Variants in LCLAT1 observed in about 807,000 individuals in gnomAD.
LCLAT1 encodes 1-AGP acyltransferase 8.
Under a neutral mutation model 30.7 loss-of-function variants are expected in LCLAT1, and 11 were observed. The observed-to-expected ratio is 0.36, with a 90% CI of 0.23 to 0.59. The LOEUF (loss-of-function observed/expected upper bound fraction) is 0.59, where lower values mean the gene tolerates loss of function less well. Ranked by LOEUF, LCLAT1 falls within the 20% of genes least tolerant of loss-of-function variation. The pLI is 0.77. For missense variants in LCLAT1, 402 were observed against 458.6 expected (o/e 0.88, Z 1.13); for synonymous variants, 155 against 151.3 (o/e 1.02, Z -0.18).
chr2:30,627,120 G>C (rs966352299), intron 5 of LCLAT1, among the ~76,000 whole-genome samples: 2 of 152,184 alleles, frequency 1.3e-5, no homozygotes, highest in Admixed American at 1.3e-4. Flanking sequence ...AATGGACTTA[G>C]AGGCACAAAG....
intron 1 of LCLAT1, among the ~76,000 whole-genome samples, chr2:30,518,911 C>G (rs1473938563): frequency 6.6e-6 from 1 of 152,210 alleles, no homozygotes; most frequent in Non-Finnish European, 1.5e-5. Context: ...AGTTCTCATA[C>G]TTGGACACTC....
chr2:30,469,271 T>C (rs969305873), intron 1 of LCLAT1, among the ~76,000 whole-genome samples: 5 of 152,184 alleles, frequency 3.3e-5, no homozygotes, highest in African/African-American at 1.2e-4. Flanking sequence ...TTTTTTTCTT[T>C]TGTTGCTCAT....
chr2:30,520,048 A>T (rs977094402), intron 1 of LCLAT1, among the ~76,000 whole-genome samples: 1 of 151,878 alleles, frequency 6.6e-6, no homozygotes, highest in African/African-American at 2.4e-5. Context: ...GGTTTGTCCT[A>T]CTCGAGCTGA....
chr2:30,514,052 A>G (rs894116641), intron 1 of LCLAT1, among the ~76,000 whole-genome samples: 4 of 152,178 alleles, frequency 2.6e-5, no homozygotes, highest in Non-Finnish European at 5.9e-5. Flanking sequence ...GGGGCTCACA[A>G]CTGCATTTTC....
chr2:30,459,661 A>C, intron 1 of LCLAT1: 18 of 1,614,204 alleles, frequency 1.1e-5, no homozygotes, highest in Non-Finnish European at 1.5e-5. Context: ...CCCATGGTCA[A>C]TTAACGAGGC....
intron 1 of LCLAT1, among the ~76,000 whole-genome samples, chr2:30,510,016 A>C (rs1684862443): frequency 6.6e-6 from 1 of 152,134 alleles, no homozygotes; most frequent in East Asian, 1.9e-4. Flanking sequence ...TCTATTCTTG[A>C]CTCAAACAGA....
rs367785153 is a variant in LCLAT1 at position 30,483,241 on chromosome 2, A to G, written c.-5+35858A>G. 3.3e-5 allele frequency among the ~76,000 whole-genome samples: 5 copies of G among 152,038 alleles called. No homozygotes were observed. In the South Asian group the frequency reaches 6.2e-4, roughly 19 times the overall value. ...AGTGGCTCACACCTCTAATCCCAGC[A>G]CTTCAGGAGGCTGAGGTTGGGGGGA... On this transcript the variant is annotated intron_variant, in intron 1 of 5. Coordinates refer to ENST00000379509, the MANE Select transcript of LCLAT1 (RefSeq NM_001002257.3).
intron 5 of LCLAT1, among the ~76,000 whole-genome samples, chr2:30,593,651 ACTTTT>A (rs1415485257): frequency 5.9e-5 from 9 of 152,228 alleles, no homozygotes; most frequent in African/African-American, 1.9e-4. Flanking sequence ...TACTACTAGC[ACTTTT>A]CTTTAATAAA....
chr2:30,495,037 TTG>T (rs1469635597), intron 1 of LCLAT1, among the ~76,000 whole-genome samples: 1 of 151,970 alleles, frequency 6.6e-6, no homozygotes, highest in Non-Finnish European at 1.5e-5. Flanking sequence ...CCTTTTGAAC[TTG>T]TGTTTGTCAG....
chr2:30,475,336 G>T (rs1269863700), intron 1 of LCLAT1, among the ~76,000 whole-genome samples: 3 of 152,074 alleles, frequency 2.0e-5, no homozygotes, highest in African/African-American at 7.2e-5. Context: ...TTTGGCACTG[G>T]GTCTTTTTTG....
intron 2 of LCLAT1, among the ~76,000 whole-genome samples, chr2:30,532,733 T>C (rs1027007376): frequency 3.3e-5 from 5 of 152,060 alleles, no homozygotes; most frequent in African/African-American, 7.2e-5. Context: ...TTTTTTTTTT[T>C]CCCCTGTACC....
chr2:30,638,649 A>T (rs965028269), intron 5 of LCLAT1, among the ~76,000 whole-genome samples: 3 of 152,186 alleles, frequency 2.0e-5, no homozygotes, highest in Non-Finnish European at 4.4e-5. Context: ...AAAGAATTGG[A>T]TTAAGTGATC....
intron 3 of LCLAT1, among the ~76,000 whole-genome samples, chr2:30,536,089 T>G (rs1686227620): frequency 6.6e-6 from 1 of 151,904 alleles, no homozygotes. Context: ...AAAACACATG[T>G]TTTCAAATAA....
At chr2:30,634,626 C>A (rs1668936715) in intron 5 of LCLAT1, among the ~76,000 whole-genome samples, 1 of 152,174 alleles carries the variant, frequency 6.6e-6, no homozygotes, top group Non-Finnish European at 1.5e-5. Context: ...TAATTTAAAG[C>A]ATCTAAAAAG....
chr2:30,567,409 G>A (rs1665539735), intron 4 of LCLAT1, among the ~76,000 whole-genome samples: 1 of 151,930 alleles, frequency 6.6e-6, no homozygotes, highest in South Asian at 2.1e-4. Flanking sequence ...GCCTCGAAGT[G>A]TACTTTGAAA....
At chr2:30,506,041 A>G (rs945987252) in intron 1 of LCLAT1, among the ~76,000 whole-genome samples, 3 of 152,024 alleles carry the variant, frequency 2.0e-5, no homozygotes, top group Non-Finnish European at 2.9e-5. Context: ...TCCTTGCTTC[A>G]TTTTGGGTAC....
chr2:30,549,368 C>T (rs1224592771), intron 3 of LCLAT1, among the ~76,000 whole-genome samples: 2 of 152,140 alleles, frequency 1.3e-5, no homozygotes, highest in African/African-American at 2.4e-5. Flanking sequence ...ACCTCTAGTA[C>T]TTTTAGTACC....
intron 3 of LCLAT1, among the ~76,000 whole-genome samples, chr2:30,537,699 A>G (rs950563977): frequency 1.3e-5 from 2 of 152,174 alleles, no homozygotes; most frequent in Non-Finnish European, 2.9e-5. Flanking sequence ...CAACCAAGAC[A>G]TATACTGGAT....
chr2:30,529,611 C>A (rs961323029), intron 2 of LCLAT1, among the ~76,000 whole-genome samples: 1 of 152,150 alleles, frequency 6.6e-6, no homozygotes, highest in Non-Finnish European at 1.5e-5. Context: ...GGAGTTCTGT[C>A]CTTTCACCAT....
Sources: allele counts gnomAD v4.1 joint callset (sites outside exome capture counted in the v4.1 genomes callset), GRCh38; gene constraint gnomAD v4.1.1; transcripts MANE v1.5; gene names NCBI Gene and HGNC (gene_info 2026-07-23, HGNC 2026-07-21).